The following GLMN variants were observed in gnomAD, a reference collection of about 807,000 sequenced individuals.
GLMN encodes the protein glomulin, FKBP associated protein, also known as glomulin.
GLMN carries 75 observed loss-of-function variants against 87.8 expected under a neutral mutation model. That is an observed-to-expected ratio of 0.85 (90% CI 0.71 to 1.04). The LOEUF (loss-of-function observed/expected upper bound fraction) is 1.04. Ranked by LOEUF, GLMN falls within the 50% of genes least tolerant of loss-of-function variation. The pLI is 0.00. For synonymous variants in GLMN, 206 were observed against 221.6 expected (o/e 0.93, Z 0.63); for missense variants, 588 against 658.8 (o/e 0.89, Z 1.18).
the GLMN span, chr1:92,323,807 A>G: frequency 6.2e-7 from 1 of 1,614,156 alleles, no homozygotes; most frequent in South Asian, 1.1e-5. Flanking sequence ...CAGAAAGTAA[A>G]TACTCAGAGT....
chr1:92,351,540 A>G, the GLMN span, among the ~76,000 whole-genome samples: 1 of 152,118 alleles, frequency 6.6e-6, no homozygotes, highest in East Asian at 1.9e-4. Flanking sequence ...CATAGGACAC[A>G]TCGCTCAGCT....
the GLMN span, among the ~76,000 whole-genome samples, chr1:92,325,172 C>T: frequency 6.6e-6 from 1 of 152,052 alleles, no homozygotes; most frequent in African/African-American, 2.4e-5. Flanking sequence ...GATGTATACT[C>T]CCTGGAAAAT....
At chr1:92,279,416 C>T (rs1427371684) in intron 7 of GLMN, among the ~76,000 whole-genome samples, 1 of 129,360 alleles carries the variant, frequency 7.7e-6, no homozygotes, top group Non-Finnish European at 1.5e-5. Flanking sequence ...GAGATCATGC[C>T]ATTGAACGAC....
the GLMN span, among the ~76,000 whole-genome samples, chr1:92,328,219 A>T: frequency 6.6e-6 from 1 of 152,144 alleles, no homozygotes; most frequent in Non-Finnish European, 1.5e-5. Flanking sequence ...AGGCTGGAGA[A>T]GTTTTCCTTG....
chr1:92,284,022 T>C (rs551124748), intron 7 of GLMN, among the ~76,000 whole-genome samples: 1 of 152,272 alleles, frequency 6.6e-6, no homozygotes, highest in African/African-American at 2.4e-5. Flanking sequence ...GAAGAATCAA[T>C]ATCATGAAAG....
chr1:92,290,485 T>C (rs1208512011), intron 4 of GLMN, among the ~76,000 whole-genome samples, 179 bp from the exon 5 acceptor site: 3 of 152,230 alleles, frequency 2.0e-5, no homozygotes, highest in Non-Finnish European at 2.9e-5. Context: ...GAATCTGTGA[T>C]GGTCAAGTAA....
chr1:92,333,072 A>T, the GLMN span, among the ~76,000 whole-genome samples: 1 of 152,156 alleles, frequency 6.6e-6, no homozygotes, highest in Admixed American at 6.5e-5. Context: ...TTAATATTTT[A>T]ATCCCCTACA....
chr1:92,270,238 T>A (rs192015292), intron 8 of GLMN, among the ~76,000 whole-genome samples: 11 of 152,322 alleles, frequency 7.2e-5, no homozygotes, highest in African/African-American at 2.6e-4. Context: ...TTGGTAGCAC[T>A]TTTTTACAGG....
chr1:92,297,462 C>T lies in GLMN; in HGVS notation c.107G>A (p.Cys36Tyr). ...CTGGTCTGTGTGCCCTTCTTCTATG[C>T]ATCTTTGCCCAGCTAACTGAAATAG... ...FGLFQLAGQR[C>Y]IEEGHTDQLL... Residue 36 changes from cysteine (C) to tyrosine (Y), a missense_variant, in exon 3 of 19, where the codon TGC becomes TAC. Cys to Tyr is a radical substitution (Grantham distance 194, BLOSUM62 -2). Coordinates refer to ENST00000370360, the MANE Select transcript of GLMN (RefSeq NM_053274.3). The T allele has an allele frequency of 5.0e-6, 8 of 1,610,748 alleles. No individual in the cohort carries two copies. The highest frequency in any genetic ancestry group is 6.8e-6 in the Non-Finnish European group (8 of 1,178,346).
chr1:92,304,040 T>C, the GLMN span: 1 of 1,613,002 alleles, frequency 6.2e-7, no homozygotes, highest in Non-Finnish European at 8.5e-7. Context: ...TGTCAAACTC[T>C]GTGGTTATCC....
the GLMN span, among the ~76,000 whole-genome samples, chr1:92,310,793 A>T: frequency 2.0e-5 from 3 of 152,014 alleles, no homozygotes; most frequent in African/African-American, 7.3e-5. Flanking sequence ...GCTACTTGGG[A>T]GGCTGAGTAA....
At chr1:92,330,543 G>A in the GLMN span, among the ~76,000 whole-genome samples, 2 of 146,594 alleles carry the variant, frequency 1.4e-5, no homozygotes, top group African/African-American at 2.5e-5. Context: ...CACCTCCTGG[G>A]TTCGAGCGAT....
the GLMN span, among the ~76,000 whole-genome samples, chr1:92,324,747 A>G: frequency 6.6e-6 from 1 of 152,130 alleles, no homozygotes; most frequent in Non-Finnish European, 1.5e-5. Flanking sequence ...TGTGTGTTTA[A>G]TGGAAGTATA....
chr1:92,264,600 G>A lies in GLMN; in HGVS notation c.1253C>T (p.Ala418Val). Reference protein sequence around the residue: ...LNTSNHSGVEAFIIQNIKNQI... With the variant: ...LNTSNHSGVEVFIIQNIKNQI... ...ATTTTTGATATTTTGAATAATAAAA[G>A]CCTCCACACCTGAGTGATTACTTGT... The change falls in exon 14 of 19, where the codon GCT becomes GTT. Residue 418 changes from alanine (A) to valine (V), a missense_variant. Physicochemically the swap from Ala to Val is moderately conservative, Grantham distance 64 (BLOSUM62 0). Transcript: ENST00000370360. 1 of 1,594,322 alleles carries A rather than the reference G, an allele frequency of 6.3e-7. No homozygotes were observed. Among genetic ancestry groups the A allele is most frequent in the South Asian group, 1.1e-5 (1 of 90,690 alleles).
chr1:92,277,051 T>C (rs1467638561), intron 7 of GLMN, among the ~76,000 whole-genome samples: 3 of 152,194 alleles, frequency 2.0e-5, no homozygotes, highest in Non-Finnish European at 4.4e-5. Context: ...ATCCATGTTT[T>C]ATTCTAAATC....
In GLMN at chr1:92,291,969, G is replaced by C. The variant is rs144980545; in HGVS notation, c.166-432C>G. ...CTTGTAATTTATAAAAAAAAGAAGG[G>C]ATACAACTTCATTAATTTTCTCTCC... On this transcript the variant is annotated intron_variant, in intron 3 of 18. Transcript: ENST00000370360. 3.4e-3 allele frequency among the ~76,000 whole-genome samples: 522 copies of C among 152,156 alleles called. 6 individuals carry two copies. Among genetic ancestry groups the C allele is most frequent in the African/African-American group, 0.011 (441 of 41,530 alleles).
chr1:92,367,033 A>G, the GLMN span, among the ~76,000 whole-genome samples: 1 of 152,228 alleles, frequency 6.6e-6, no homozygotes, highest in Admixed American at 6.5e-5. Flanking sequence ...GCAGGAAGAA[A>G]ATATTGGGGC....
chr1:92,247,990 CTGT>C lies in GLMN; in HGVS notation c.1474-4_1474-2del, dbSNP rs1652918490. ...TTCCAAGTTCTGTCCATAATCCAGT[CTGT>C]TAAGAATGAAAGAATGAGTTATTTA... On this transcript the variant is annotated splice_acceptor_variant and splice_polypyrimidine_tract_variant and intron_variant, in intron 16 of 18. Transcript: ENST00000370360. LOFTEE classifies it high-confidence loss of function. The C allele has an allele frequency of 8.9e-7, 1 of 1,121,336 alleles. No homozygotes were observed. 69.5% of individuals were successfully genotyped at this position (1,121,336 alleles called of 1,614,324 possible).
intron 6 of GLMN, 119 bp downstream of exon 6, chr1:92,288,795 A>G (rs1485780379): frequency 2.8e-6 from 2 of 709,562 alleles, no homozygotes; most frequent in Non-Finnish European, 5.1e-6. Flanking sequence ...ACATTCTTCT[A>G]AAATTCAAAA....
Sources: allele counts gnomAD v4.1 joint callset (sites outside exome capture counted in the v4.1 genomes callset), GRCh38; gene constraint gnomAD v4.1.1; transcripts MANE v1.5; gene names NCBI Gene and HGNC (gene_info 2026-07-23, HGNC 2026-07-21).